HAX1: variants seen among roughly 807,000 people sequenced by gnomAD.
HAX1 encodes HCLS1-associated protein X-1.
HAX1 carries 27 observed loss-of-function variants against 31.1 expected under a neutral mutation model. The ratio of observed to expected loss-of-function variants is 0.87; its 90% CI spans 0.64 to 1.20. HAX1 has a LOEUF of 1.20. HAX1 is among the 50% of genes most tolerant of loss of function. The probability of loss-of-function intolerance (pLI) is 0.00; values close to 1 mark genes in which losing one functional copy is unlikely to be tolerated. For missense variants in HAX1, 357 were observed against 361.6 expected, an observed-to-expected ratio of 0.99 and a Z score of 0.10; for synonymous variants, 114 against 124.1, an observed-to-expected ratio of 0.92 and a Z score of 0.54.
At chr1:154,274,786 G>C (rs753086640) in intron 3 of HAX1, among the ~76,000 whole-genome samples, 164 bp from the exon 4 acceptor site, 3 of 152,180 alleles carry the variant, frequency 2.0e-5, no homozygotes, top group Non-Finnish European at 4.4e-5. Context: ...CTGGTAGAAG[G>C]ATACATAAAA....
In HAX1 at chr1:154,272,716, G is replaced by T. The variant is rs746344482; in HGVS notation, c.-8G>T. On this transcript the variant is annotated 5_prime_UTR_variant, in exon 1 of 7. Coordinates refer to ENST00000328703, the MANE Select transcript of HAX1 (RefSeq NM_006118.4). ...GAGGGGTTCAAAGGTTCGCGTCCCA[G>T]TACGGGAATGAGCCTCTTTGATCTC... The T allele has an allele frequency of 4.3e-6, 7 of 1,614,156 alleles. No homozygotes were observed. The highest frequency in any genetic ancestry group is 5.9e-6 in the Non-Finnish European group (7 of 1,180,000).
intron 1 of HAX1, 109 bp from the exon 2 acceptor site, chr1:154,273,227 T>C: frequency 2.4e-6 from 3 of 1,257,428 alleles, no homozygotes; most frequent in Non-Finnish European, 3.4e-6. Flanking sequence ...TCCGACCCTC[T>C]CCCTAGCTTC....
In HAX1 at chr1:154,273,503, G is replaced by A. The variant is rs151225652; in HGVS notation, c.221G>A (p.Arg74His). ...AGCTTCAGCCCAGGAGGAGGGATACGTTTCCACGATAACTTCGGCTTTGAT... is the reference window on the plus strand; with the variant it reads ...AGCTTCAGCCCAGGAGGAGGGATACATTTCCACGATAACTTCGGCTTTGAT... ...GFSFSPGGGI[R>H]FHDNFGFDDL... The change falls in exon 2 of 7, where the codon CGT becomes CAT. Residue 74 changes from arginine (R) to histidine (H), a missense_variant. By Grantham distance (29) the Arg-to-His change is conservative (BLOSUM62 0). Transcript: ENST00000328703. The A allele has an allele frequency of 1.7e-5, 27 of 1,614,144 alleles. No individual in the cohort carries two copies. In the African/African-American group the frequency reaches 2.3e-4, roughly 14 times the overall value.
intron 2 of HAX1, 38 bp downstream of exon 2, chr1:154,273,636 G>C: frequency 6.2e-7 from 1 of 1,607,246 alleles, no homozygotes; most frequent in Non-Finnish European, 8.5e-7. Context: ...TGTGGTTTCT[G>C]GTGGGTTGGT....
chr1:154,273,780 C>T lies in HAX1; in HGVS notation c.323C>T (p.Pro108Leu), dbSNP rs1684874063. 2 of 1,614,134 alleles carry T rather than the reference C, an allele frequency of 1.2e-6. No homozygotes were observed. The highest frequency in any genetic ancestry group is 1.7e-6 in the Non-Finnish European group (2 of 1,180,014). The change falls in exon 3 of 7, where the codon CCA becomes CTA. Residue 108 changes from proline to leucine, a missense_variant. Coordinates refer to ENST00000328703, the MANE Select transcript of HAX1 (RefSeq NM_006118.4). Reference sequence around the variant, plus strand: ...ACCTGCCACCTTTCTGCAGAACTTCCAGGTCCTGAGTCAGAGACACCTGGT... The same window carrying T: ...ACCTGCCACCTTTCTGCAGAACTTCTAGGTCCTGAGTCAGAGACACCTGGT... The part of the protein sequence containing the change: ...WTLPSHPPEL[P>L]GPESETPGER...
At chr1:154,274,812 G>A in intron 3 of HAX1, 138 bp from the exon 4 acceptor site, 1 of 720,970 alleles carries the variant, frequency 1.4e-6, no homozygotes, top group Non-Finnish European at 2.6e-6. Context: ...AGGAAGGAGT[G>A]TGTAAATAAG....
rs1684862702 is a variant in HAX1, at chr1:154,273,444, T to C, written c.162T>C (p.Pro54=). 1.9e-6 allele frequency: 3 copies of C among 1,614,138 alleles called. No individual in the cohort carries two copies. Among genetic ancestry groups the C allele is most frequent in the Non-Finnish European group, 2.5e-6 (3 of 1,180,034 alleles). The part of the protein sequence containing the change: ...WGRGNPRFHS[P]QHPPEEFGFG... ...GTGGGAACCCAAGGTTCCATAGTCC[T>C]CAGCACCCCCCTGAGGAATTTGGCT... The change falls in exon 2 of 7, where the codon CCT becomes CCC. Residue 54 remains proline, a synonymous_variant. Transcript: ENST00000328703.
Position 154,275,697 on chromosome 1 carries a change from G to A in HAX1, c.836G>A (p.Arg279Gln), listed in dbSNP as rs746872949. 22 of 1,611,332 alleles carry A rather than the reference G, an allele frequency of 1.4e-5. No individual in the cohort carries two copies. Among genetic ancestry groups the A allele is most frequent in the African/African-American group, 2.7e-5 (2 of 74,758 alleles). ...DLFLGRWFRS[R>Q] ...TTCCTGGGACGTTGGTTCCGGTCCC[G>A]GTAGCCTTGTTAACCCTCAGAGGCC... The change falls in exon 7 of 7, where the codon CGG (arginine) becomes CAG (glutamine). Residue 279 changes from arginine to glutamine, a missense_variant. Physicochemically the swap from Arg to Gln is conservative, Grantham distance 43. Transcript: ENST00000328703.
Position 154,272,682 on chromosome 1 carries a change from GGA to G in HAX1, c.-41_-40del. 6.2e-7 allele frequency: 1 copy of G among 1,604,498 alleles called. No homozygotes were observed. The highest frequency in any genetic ancestry group is 8.5e-7 in the Non-Finnish European group (1 of 1,171,496). ...GCGCAGGTTTCCCCCGTCTGCGAAT[GGA>G]CCACTGGAGGGGTTCAAAGGTTCGC... On this transcript the variant is annotated 5_prime_UTR_variant, in exon 1 of 7. Coordinates refer to ENST00000328703, the MANE Select transcript of HAX1 (RefSeq NM_006118.4).
intron 1 of HAX1, 116 bp from the exon 2 acceptor site, chr1:154,273,220 G>C: frequency 8.7e-7 from 1 of 1,154,776 alleles, no homozygotes; most frequent in South Asian, 1.3e-5. Flanking sequence ...CCAGTCCTCC[G>C]ACCCTCTCCC....
rs1170975635 is a variant in HAX1 at position 154,274,043 on chromosome 1, C to G, written c.504+82C>G. The G allele has an allele frequency of 2.3e-6, 3 of 1,305,378 alleles. No homozygotes were observed. In the African/African-American group the frequency reaches 4.3e-5, roughly 19 times the overall value. 80.9% of individuals were successfully genotyped at this position (1,305,378 alleles called of 1,614,324 possible). ...CAAAGACTGGCTAGGTGCGGTGGCT[C>G]ACGCCTGTAATCCCAGCACTTTGGG... On this transcript the variant is annotated intron_variant, in intron 3 of 6. Transcript: ENST00000328703.
rs1283849429 is a variant in HAX1, at chr1:154,275,241, A to C, written c.644A>C (p.Lys215Thr). ...TATTTCAAGAGCATCTCTGTGACCA[A>C]GATCACTAAACCAGATGGGGTGAGT... is the stretch of plus-strand genomic sequence containing the variant. Reference protein sequence around the residue: ...KSYFKSISVTKITKPDGIVEE... With the variant: ...KSYFKSISVTTITKPDGIVEE... Residue 215 changes from lysine to threonine, a missense_variant, in exon 5 of 7, where the codon AAG becomes ACG. Transcript: ENST00000328703. The C allele has an allele frequency of 6.2e-7, 1 of 1,612,594 alleles. No individual in the cohort carries two copies. The highest frequency in any genetic ancestry group is 1.7e-5 in the Admixed American group (1 of 60,022).
In HAX1 at chr1:154,275,255, G is replaced by C. The variant is rs779277098; in HGVS notation, c.658G>C (p.Asp220His). The C allele has an allele frequency of 6.2e-7, 1 of 1,607,284 alleles. No individual in the cohort carries two copies. The highest frequency in any genetic ancestry group is 1.3e-5 in the African/African-American group (1 of 74,786). Reference protein sequence around the residue: ...SISVTKITKPDGIVEERRTVV... With the variant: ...SISVTKITKPHGIVEERRTVV... ...CTCTGTGACCAAGATCACTAAACCA[G>C]ATGGGGTGAGTTGAAAGAAAGAGGT... The change falls in exon 5 of 7, where the codon GAT (aspartate) becomes CAT (histidine). Residue 220 changes from aspartate (D) to histidine (H), a missense_variant. Physicochemically the swap from Asp to His is moderately conservative, Grantham distance 81 (BLOSUM62 -1). Coordinates refer to ENST00000328703, the MANE Select transcript of HAX1 (RefSeq NM_006118.4).
Position 154,275,173 on chromosome 1 carries a change from C to T in HAX1, c.576C>T (p.Ser192=), listed in dbSNP as rs1387480536. The T allele has an allele frequency of 6.2e-7, 1 of 1,611,694 alleles. No individual in the cohort carries two copies. Among genetic ancestry groups the T allele is most frequent in the Non-Finnish European group, 8.5e-7 (1 of 1,177,792 alleles). Residue 192 remains serine, a synonymous_variant, in exon 5 of 7, where the codon TCC becomes TCT. Transcript: ENST00000328703. ...REDNDLDSQV[S]QEGLGPVLQP... ...TTCCAGATCTTGATTCCCAGGTTTC[C>T]CAGGAGGGTCTTGGCCCGGTTCTAC... is the stretch of plus-strand genomic sequence containing the variant.
At chr1:154,275,348 A>G in intron 5 of HAX1, 45 bp from the exon 6 acceptor site, 2 of 1,584,074 alleles carry the variant, frequency 1.3e-6, no homozygotes, top group Non-Finnish European at 1.7e-6. Context: ...TGCTGAGCAT[A>G]ACCTTTAGTA....
At chr1:154,273,745 C>T (rs1684873015) in intron 2 of HAX1, 29 bp from the exon 3 acceptor site, 1 of 1,613,762 alleles carries the variant, frequency 6.2e-7, no homozygotes, top group African/African-American at 1.3e-5. Context: ...CCTTTCCCAT[C>T]CCAGCAAACA....
intron 3 of HAX1, among the ~76,000 whole-genome samples, chr1:154,274,599 C>T (rs760824275): frequency 6.6e-6 from 1 of 152,174 alleles, no homozygotes; most frequent in African/African-American, 2.4e-5. Context: ...AATCCTAAGC[C>T]CTCCATTTAG....
rs950658160 is a variant in HAX1 at position 154,273,462 on chromosome 1, A to G, written c.180A>G (p.Glu60=). Residue 60 remains glutamate (E), a synonymous_variant, in exon 2 of 7, where the codon GAA becomes GAG. Transcript: ENST00000328703. Reference sequence around the variant, plus strand: ...ATAGTCCTCAGCACCCCCCTGAGGAATTTGGCTTCGGCTTCAGCTTCAGCC... The same window carrying G: ...ATAGTCCTCAGCACCCCCCTGAGGAGTTTGGCTTCGGCTTCAGCTTCAGCC... The part of the protein sequence containing the change: ...RFHSPQHPPE[E]FGFGFSFSPG... The G allele has an allele frequency of 2.5e-6, 4 of 1,614,112 alleles. No homozygotes were observed. In the African/African-American group the frequency reaches 4.0e-5, roughly 16 times the overall value.
In HAX1 at chr1:154,273,453, C is replaced by T. The variant is rs749427265; in HGVS notation, c.171C>T (p.Pro57=). 1.2e-6 allele frequency: 2 copies of T among 1,614,126 alleles called. No homozygotes were observed. Among genetic ancestry groups the T allele is most frequent in the Admixed American group, 1.7e-5 (1 of 60,012 alleles). ...CAAGGTTCCATAGTCCTCAGCACCC[C>T]CCTGAGGAATTTGGCTTCGGCTTCA... ...GNPRFHSPQH[P]PEEFGFGFSF... The change falls in exon 2 of 7, where the codon CCC becomes CCT. Residue 57 remains proline, a synonymous_variant. Coordinates refer to ENST00000328703, the MANE Select transcript of HAX1 (RefSeq NM_006118.4).
Sources: allele counts gnomAD v4.1 joint callset (sites outside exome capture counted in the v4.1 genomes callset), GRCh38; gene constraint gnomAD v4.1.1; transcripts MANE v1.5; gene names NCBI Gene and HGNC (gene_info 2026-07-23, HGNC 2026-07-21).